PSMG2: variants seen among roughly 807,000 people sequenced by gnomAD.
PSMG2 encodes the protein CD40 ligand-activated specific transcript 3.
A neutral mutation model predicts 31.5 loss-of-function variants in PSMG2; 21 were observed. The observed-to-expected ratio is 0.67, with a 90% confidence interval of 0.47 to 0.96. The LOEUF is 0.96. Ranked by LOEUF, PSMG2 falls within the 40% of genes least tolerant of loss-of-function variation. The pLI, the probability that PSMG2 is intolerant of heterozygous loss-of-function variation, is 0.00. For synonymous variants in PSMG2, 120 were observed against 110.4 expected, an observed-to-expected ratio of 1.09 and a Z score of -0.54; for missense variants, 318 against 321.2, an observed-to-expected ratio of 0.99 and a Z score of 0.08.
chr18:12,708,564 A>G (rs1377302259), intron 2 of PSMG2, among the ~76,000 whole-genome samples: 1 of 151,210 alleles, frequency 6.6e-6, no homozygotes. Flanking sequence ...GAGTTTCTCC[A>G]TGTTGGTCAG....
chr18:12,725,667 G>A lies in PSMG2; in HGVS notation c.*136G>A, dbSNP rs1877130871. 5 of 518,902 alleles carry A rather than the reference G, an allele frequency of 9.6e-6. No homozygotes were observed. The highest frequency in any genetic ancestry group is 3.8e-4 in the Middle Eastern group (1 of 2,666). 32.1% of individuals were successfully genotyped at this position (518,902 alleles called of 1,614,324 possible). ...TAAATATCAAAGAAAAAAGATTAAG[G>A]GTCTCTTTGCCATGCTTTTCATCAT... On this transcript the variant is annotated 3_prime_UTR_variant, in exon 7 of 7. Transcript: ENST00000317615.
At chr18:12,697,346 C>T in intron 1 of PSMG2, 2 of 1,613,506 alleles carry the variant, frequency 1.2e-6, no homozygotes, top group Non-Finnish European at 1.7e-6. Flanking sequence ...TTGATTAGCA[C>T]CATATGAATT....
At position 12,720,663 on chromosome 18, in the gene PSMG2, A is replaced by T; in HGVS notation, c.561A>T (p.Thr187=). The part of the protein sequence containing the change: ...FCIRIPGGGI[T]KTLYDESCSK... ...TCCGCATTCCGGGAGGAGGTATCAC[A>T]AAAACACTCTATGATGAAAGGTGAG... is the stretch of plus-strand genomic sequence containing the variant. The change falls in exon 5 of 7, where the codon ACA becomes ACT. Residue 187 remains threonine, a synonymous_variant. Transcript: ENST00000317615. 1 of 1,610,812 alleles carries T rather than the reference A, an allele frequency of 6.2e-7. No homozygotes were observed. The highest frequency in any genetic ancestry group is 8.5e-7 in the Non-Finnish European group (1 of 1,179,182).
At chr18:12,687,099 A>G (rs1160881411) in intron 1 of PSMG2, among the ~76,000 whole-genome samples, 1 of 152,154 alleles carries the variant, frequency 6.6e-6, no homozygotes, top group Non-Finnish European at 1.5e-5. Flanking sequence ...TTTTACAGTG[A>G]GTATTACCAA....
chr18:12,675,580 T>C (rs2039094714), intron 1 of PSMG2, among the ~76,000 whole-genome samples: 1 of 152,186 alleles, frequency 6.6e-6, no homozygotes, highest in Non-Finnish European at 1.5e-5. Context: ...CTGTAAGAGA[T>C]AAAAAGATGA....
intron 1 of PSMG2, among the ~76,000 whole-genome samples, chr18:12,664,120 G>A (rs113500393): frequency 2.0e-5 from 3 of 152,192 alleles, no homozygotes; most frequent in South Asian, 2.1e-4. Flanking sequence ...AGCCGAGATC[G>A]TGCCATTGCA....
At chr18:12,669,941 G>A (rs1261662007) in intron 1 of PSMG2, among the ~76,000 whole-genome samples, 1 of 151,020 alleles carries the variant, frequency 6.6e-6, no homozygotes, top group Admixed American at 6.6e-5. Context: ...AGGTTGCGGT[G>A]AGCCGAGATT....
chr18:12,710,302 T>G (rs770197827), intron 2 of PSMG2, among the ~76,000 whole-genome samples: 5 of 152,194 alleles, frequency 3.3e-5, no homozygotes, highest in Admixed American at 1.3e-4. Context: ...AATTTGATGT[T>G]CTTGCTTCAG....
intron 1 of PSMG2, among the ~76,000 whole-genome samples, chr18:12,683,195 A>C (rs996300383): frequency 2.0e-5 from 3 of 146,956 alleles, no homozygotes; most frequent in Admixed American, 6.8e-5. Context: ...CCAAAAAAAA[A>C]AAAAAAAAAG....
At chr18:12,693,394 A>C (rs1349181433) in intron 1 of PSMG2, among the ~76,000 whole-genome samples, 3 of 152,084 alleles carry the variant, frequency 2.0e-5, no homozygotes, top group African/African-American at 7.2e-5. Flanking sequence ...ACTGCACTCA[A>C]GCCTGAGAGA....
chr18:12,700,577 T>C (rs2040116536), upstream of PSMG2, among the ~76,000 whole-genome samples: 1 of 152,206 alleles, frequency 6.6e-6, no homozygotes, highest in Non-Finnish European at 1.5e-5. Flanking sequence ...TCATAGAGAA[T>C]ATAATCCCAA....
chr18:12,691,595 G>A (rs1157065470), intron 1 of PSMG2: 3 of 729,570 alleles, frequency 4.1e-6, no homozygotes, highest in Non-Finnish European at 6.4e-6. Flanking sequence ...CCTAATCTGA[G>A]TCATCATCAT....
rs752868906 is a variant in PSMG2 at position 12,725,493 on chromosome 18, T to C, written c.757T>C (p.Leu253=). Residue 253 remains leucine (L), a synonymous_variant, in exon 7 of 7, where the codon TTA becomes CTA. Coordinates refer to ENST00000317615, the MANE Select transcript of PSMG2 (RefSeq NM_020232.5). The part of the protein sequence containing the change: ...SRWKIPSSWR[L]LFGSGLPPAL... ...GTGGAAAATACCAAGTTCTTGGAGA[T>C]TACTCTTTGGCAGTGGTCTTCCCCC... The C allele has an allele frequency of 5.0e-6, 8 of 1,607,382 alleles. No homozygotes were observed. Among genetic ancestry groups the C allele is most frequent in the Non-Finnish European group, 6.8e-6 (8 of 1,174,094 alleles).
At chr18:12,695,288 T>C (rs781627547) in intron 1 of PSMG2, 91 of 1,567,966 alleles carry the variant, frequency 5.8e-5, no homozygotes, top group Middle Eastern at 1.8e-4. Flanking sequence ...TAACGTTTGA[T>C]TGAGTGGTGG....
At chr18:12,703,004 C>T (rs1465064503), upstream of PSMG2, 4 of 1,355,778 alleles carry the variant, frequency 3.0e-6, no homozygotes, top group Non-Finnish European at 2.0e-6. Context: ...TCAAAGGACC[C>T]TCCCGCGCCC....
At chr18:12,691,280 T>C in intron 1 of PSMG2, 2 of 902,028 alleles carry the variant, frequency 2.2e-6, no homozygotes, top group South Asian at 4.9e-5. Flanking sequence ...ATTTTACAAA[T>C]AAATATTAAA....
At chr18:12,701,131 A>C (rs1197150887), upstream of PSMG2, 2 of 1,593,930 alleles carry the variant, frequency 1.3e-6, no homozygotes, top group Non-Finnish European at 1.7e-6. Flanking sequence ...GAAAACTCAT[A>C]TTACAATTTA....
At chr18:12,701,083 G>C, upstream of PSMG2, 1 of 1,612,878 alleles carries the variant, frequency 6.2e-7, no homozygotes, top group East Asian at 2.2e-5. Flanking sequence ...GTCTCAGCAA[G>C]GATTTCTCTT....
At chr18:12,679,425 G>A (rs1419109299) in intron 1 of PSMG2, 4 of 152,194 alleles carry the variant, frequency 2.6e-5, no homozygotes, top group Non-Finnish European at 2.9e-5. Context: ...AAGCACACTA[G>A]CAGGCACGAA....
Sources: gnomAD v4.1 joint callset for allele counts (sites outside exome capture counted in the v4.1 genomes callset) on GRCh38, gnomAD v4.1.1 for gene constraint, MANE v1.5 for transcripts, NCBI Gene and HGNC (gene_info 2026-07-23, HGNC 2026-07-21) for gene names.